The following SLC45A4 variants were observed in gnomAD, a reference collection of about 807,000 sequenced individuals.
SLC45A4 encodes polyamine-transporter SLC45A4.
SLC45A4 carries 32 observed loss-of-function variants against 63.7 expected under a neutral mutation model. That is an observed-to-expected ratio of 0.50 (90% CI 0.38 to 0.67). SLC45A4 has a LOEUF of 0.67. SLC45A4 is among the 30% of genes least tolerant of loss of function. The pLI is 0.00. For missense variants in SLC45A4, 1,027 were observed against 1,157.7 expected (o/e 0.89, Z 1.64); for synonymous variants, 535 against 510.0 (o/e 1.05, Z -0.66).
intron 1 of SLC45A4, among the ~76,000 whole-genome samples, chr8:141,281,673 A>T (rs192124745): frequency 6.6e-6 from 1 of 152,350 alleles, no homozygotes. Flanking sequence ...TGAAAGAGAC[A>T]AAAAACACAG....
At chr8:141,220,667 G>T (rs1299720571) in intron 3 of SLC45A4, among the ~76,000 whole-genome samples, 2 of 152,238 alleles carry the variant, frequency 1.3e-5, no homozygotes. Flanking sequence ...CGGGAGAAGG[G>T]CTTTCTGCCC....
In SLC45A4 at chr8:141,256,790, T is replaced by C; in HGVS notation, c.-400-2161A>G. On this transcript the variant is annotated intron_variant, in intron 1 of 8. Transcript: ENST00000517878. This position sits in a 1 kb window ranked among gnomAD's most constrained non-coding sequence, Gnocchi z 4.3. ...AAATGTCCTCTACCGTAGAAACATC[T>C]CAATTAAAACAAGAGTTTCCAAACT... 1 of 353,540 alleles carries C rather than the reference T, an allele frequency of 2.8e-6. No individual in the cohort carries two copies. Among genetic ancestry groups the C allele is most frequent in the Non-Finnish European group, 5.7e-6 (1 of 175,320 alleles). 21.9% of individuals were successfully genotyped at this position (353,540 alleles called of 1,614,324 possible). A position where few individuals can be genotyped will look rare whatever the true frequency, so the allele number is the denominator to read the frequency against.
intron 1 of SLC45A4, among the ~76,000 whole-genome samples, chr8:141,265,844 C>T (rs1364811169): frequency 1.3e-5 from 2 of 152,214 alleles, no homozygotes; most frequent in African/African-American, 4.8e-5. Flanking sequence ...GAATCTGTTC[C>T]AGCGACTGTC....
In SLC45A4 at chr8:141,207,490, C is replaced by A. The variant is rs1825580865; in HGVS notation, c.*4082G>T. 1 of 152,266 alleles carries A rather than the reference C, an allele frequency of 6.6e-6. No homozygotes were observed. Among genetic ancestry groups the A allele is most frequent in the South Asian group, 2.1e-4 (1 of 4,834 alleles). 9.4% of individuals were successfully genotyped at this position (152,266 alleles called of 1,614,324 possible). On this transcript the variant is annotated 3_prime_UTR_variant, in exon 9 of 9. Transcript: ENST00000517878. The stretch of plus-strand genomic sequence containing the variant: ...TTATGTGTTTAACACACGCTTACCA[C>A]CACTGCTAACTCAGCAAGCGCGATT...
intron 1 of SLC45A4, among the ~76,000 whole-genome samples, chr8:141,266,688 A>G (rs897736201): frequency 2.6e-5 from 4 of 152,224 alleles, no homozygotes; most frequent in Non-Finnish European, 5.9e-5. Flanking sequence ...TGGCATCCAT[A>G]ATATACAAAG....
chr8:141,222,906 C>T (rs570526690), intron 2 of SLC45A4, among the ~76,000 whole-genome samples: 177 of 152,302 alleles, frequency 1.2e-3, no homozygotes, highest in Non-Finnish European at 1.6e-3. Flanking sequence ...TCCAGTCACG[C>T]GGTGCCAATT....
chr8:141,294,869 T>C (rs1830485947), intron 1 of SLC45A4, among the ~76,000 whole-genome samples: 1 of 152,188 alleles, frequency 6.6e-6, no homozygotes, highest in African/African-American at 2.4e-5. Flanking sequence ...AACCTAGGCC[T>C]CATCTAACCC....
rs772532639 is a variant in SLC45A4, at chr8:141,254,242, T to C, written c.-13A>G. ...GAGCCATTTTCATTACCACCAAAAA[T>C]ATATGTATTTATCTATATATTCTAT... On this transcript the variant is annotated 5_prime_UTR_variant, in exon 2 of 9. In the 5' UTR this introduces an upstream ATG that the reference lacks. Coordinates refer to ENST00000517878, the MANE Select transcript of SLC45A4 (RefSeq NM_001286646.2). This position sits in a 1 kb window ranked among gnomAD's most constrained non-coding sequence, Gnocchi z 4.5. The C allele has an allele frequency of 1.1e-5, 17 of 1,526,890 alleles. No homozygotes were observed. The highest frequency in any genetic ancestry group is 1.4e-5 in the Non-Finnish European group (16 of 1,141,346). The allele number at this position is 1,526,890 out of a possible 1,614,324, so 94.6% of individuals were successfully genotyped here.
In SLC45A4 at chr8:141,300,604, G is replaced by C. The variant is rs184348785; in HGVS notation, c.-401+7492C>G. 6.6e-5 allele frequency among the ~76,000 whole-genome samples: 10 copies of C among 152,320 alleles called. No homozygotes were observed. In the East Asian group the frequency reaches 1.9e-3, roughly 29 times the overall value. On this transcript the variant is annotated intron_variant, in intron 1 of 8. Coordinates refer to ENST00000517878, the MANE Select transcript of SLC45A4 (RefSeq NM_001286646.2). The stretch of plus-strand genomic sequence containing the variant: ...AGACCAGCTGCCTCGCTCCGGAACA[G>C]GCACAGCGATGCCCTGTGCAGGAAG...
At position 141,270,402 on chromosome 8, in the gene SLC45A4, G is replaced by A. The variant is rs1027844193; in HGVS notation, c.-400-15773C>T. Among the ~76,000 whole-genome samples the A allele has an allele frequency of 5.3e-5, 8 of 151,332 alleles. No homozygotes were observed. The East Asian group carries it at 1.2e-3, about 22-fold the overall frequency. ...TTAAAAAAAAAAAAAGGCTCGGCGC[G>A]GTAGCTAACGCCTGTAATCCTAACA... On this transcript the variant is annotated intron_variant, in intron 1 of 8. Transcript: ENST00000517878.
chr8:141,266,475 C>G (rs928182477), intron 1 of SLC45A4, among the ~76,000 whole-genome samples: 1 of 152,180 alleles, frequency 6.6e-6, no homozygotes, highest in Non-Finnish European at 1.5e-5. Flanking sequence ...TCACGGCCGG[C>G]ACGTGTCTTC....
intron 2 of SLC45A4, 128 bp downstream of exon 2, chr8:141,253,861 A>G (rs552858251): frequency 7.1e-7 from 1 of 1,402,572 alleles, no homozygotes; most frequent in Non-Finnish European, 9.4e-7. Context: ...AAGGGAGAGG[A>G]GACAAAGACT....
chr8:141,262,094 C>T (rs1392069393), intron 1 of SLC45A4, among the ~76,000 whole-genome samples: 1 of 151,926 alleles, frequency 6.6e-6, no homozygotes, highest in East Asian at 1.9e-4. Context: ...TTTGACAAAC[C>T]TGACAAAAAC....
At chr8:141,220,942 C>T (rs937970142) in intron 3 of SLC45A4, among the ~76,000 whole-genome samples, 1 of 152,220 alleles carries the variant, frequency 6.6e-6, no homozygotes, top group Non-Finnish European at 1.5e-5. Context: ...CGCCTGTTGG[C>T]GACGAAGCCC....
intron 1 of SLC45A4, among the ~76,000 whole-genome samples, chr8:141,271,854 C>T (rs112105550): frequency 6.6e-6 from 1 of 151,818 alleles, no homozygotes; most frequent in Non-Finnish European, 1.5e-5. Context: ...TGTGTACACA[C>T]ACACACACGC....
In SLC45A4 at chr8:141,256,672, T is replaced by G. The variant is rs554313118; in HGVS notation, c.-400-2043A>C. Reference sequence around the variant, plus strand: ...TACTAATTCCTTAAGAACCAAAGGTTCAAGTGGTGCTACCTATGTATTTGC... The same window carrying G: ...TACTAATTCCTTAAGAACCAAAGGTGCAAGTGGTGCTACCTATGTATTTGC... On this transcript the variant is annotated intron_variant, in intron 1 of 8. Coordinates refer to ENST00000517878, the MANE Select transcript of SLC45A4 (RefSeq NM_001286646.2). This position sits in a 1 kb window ranked among gnomAD's most constrained non-coding sequence, Gnocchi z 4.3. 1.3e-5 allele frequency: 6 copies of G among 455,842 alleles called. No individual in the cohort carries two copies. The East Asian group carries it at 2.1e-4, about 16-fold the overall frequency. The allele number at this position is 455,842 out of a possible 1,614,324, so 28.2% of individuals were successfully genotyped here. A position where few individuals can be genotyped will look rare whatever the true frequency, so the allele number is the denominator to read the frequency against.
At chr8:141,306,331 C>T (rs1481871262) in intron 1 of SLC45A4, among the ~76,000 whole-genome samples, 3 of 152,206 alleles carry the variant, frequency 2.0e-5, no homozygotes, top group South Asian at 2.1e-4. Context: ...AACAATTAGC[C>T]TGAACGGGTG....
chr8:141,281,958 T>C (rs1165969897), intron 1 of SLC45A4, among the ~76,000 whole-genome samples: 3 of 151,544 alleles, frequency 2.0e-5, no homozygotes, highest in African/African-American at 7.3e-5. Flanking sequence ...TGGTGGCTCC[T>C]GCCCCGAGCT....
intron 2 of SLC45A4, among the ~76,000 whole-genome samples, chr8:141,228,005 A>G (rs1569558211): frequency 1.3e-5 from 2 of 152,136 alleles, no homozygotes; most frequent in Admixed American, 6.5e-5. Context: ...GAGAGGAGGA[A>G]TTGAAACTTG....
Sources: allele counts gnomAD v4.1 joint callset (sites outside exome capture counted in the v4.1 genomes callset), GRCh38; gene constraint gnomAD v4.1.1; non-coding constraint Gnocchi (gnomAD v3.1); transcripts MANE v1.5; gene names NCBI Gene and HGNC (gene_info 2026-07-23, HGNC 2026-07-21).